The following VEGFC variants were observed in gnomAD, a reference collection of about 807,000 sequenced individuals.
The protein encoded by VEGFC is vascular endothelial growth factor C, also known as FLT4 ligand DHM.
Under a neutral mutation model 46.1 loss-of-function variants are expected in VEGFC, and 12 were observed. The observed-to-expected ratio is 0.26, with a 90% confidence interval of 0.17 to 0.42. The LOEUF is 0.42. Among genes scored for constraint, VEGFC ranks in the 10% least tolerant of loss-of-function variants. VEGFC has a pLI of 1.00. For missense variants in VEGFC, 488 were observed against 529.4 expected (o/e 0.92, Z 0.77); for synonymous variants, 232 against 195.5 (o/e 1.19, Z -1.56).
chr4:176,763,214 T>C (rs1432781605), intron 1 of VEGFC, among the ~76,000 whole-genome samples: 1 of 152,210 alleles, frequency 6.6e-6, no homozygotes, highest in Non-Finnish European at 1.5e-5. Flanking sequence ...AAATTCATCT[T>C]CAACTAATTC....
At position 176,763,643 on chromosome 4, in the gene VEGFC, C is replaced by A. The variant is rs540396282; in HGVS notation, c.147+28522G>T. 2.0e-5 allele frequency among the ~76,000 whole-genome samples: 3 copies of A among 152,120 alleles called. No individual in the cohort carries two copies. In the South Asian group the frequency reaches 6.2e-4, roughly 31 times the overall value. On this transcript the variant is annotated intron_variant, in intron 1 of 6. Transcript: ENST00000618562. ...CGTAATCAATATTTAATAGAAATAT[C>A]TTCAAATAATTTGGTTCATATTAAC... is the stretch of plus-strand genomic sequence containing the variant.
At chr4:176,783,701 G>A (rs187602858) in intron 1 of VEGFC, among the ~76,000 whole-genome samples, 149 of 152,172 alleles carry the variant, frequency 9.8e-4, no homozygotes, top group Middle Eastern at 3.4e-3. Context: ...AACAAACCCC[G>A]GCACCCAGGG....
chr4:176,756,173 A>G (rs1735429834), intron 1 of VEGFC, among the ~76,000 whole-genome samples: 1 of 152,026 alleles, frequency 6.6e-6, no homozygotes, highest in African/African-American at 2.4e-5. Flanking sequence ...AACAATATAA[A>G]TTTATAATAT....
In VEGFC at chr4:176,754,744, CA is replaced by C. The variant is rs537351343; in HGVS notation, c.148-24999del. 5.9e-5 allele frequency among the ~76,000 whole-genome samples: 9 copies of C among 152,102 alleles called. No individual in the cohort carries two copies. The South Asian group carries it at 1.9e-3, about 32-fold the overall frequency. On this transcript the variant is annotated intron_variant, in intron 1 of 6. Coordinates refer to ENST00000618562, the MANE Select transcript of VEGFC (RefSeq NM_005429.5). The stretch of plus-strand genomic sequence containing the variant: ...CAGGTTCCAGGGAGTAGGTTGTGGA[CA>C]TCTTTGGGGGCCATTATTCTGCTTA...
chr4:176,759,367 C>A (rs1735487934), intron 1 of VEGFC, among the ~76,000 whole-genome samples: 1 of 151,780 alleles, frequency 6.6e-6, no homozygotes. Context: ...AAGCCAGGCA[C>A]AAAAAGACAA....
chr4:176,711,818 C>T (rs1457605422), intron 3 of VEGFC, among the ~76,000 whole-genome samples, 168 bp from the exon 4 acceptor site: 1 of 152,144 alleles, frequency 6.6e-6, no homozygotes, highest in Non-Finnish European at 1.5e-5. Flanking sequence ...TGTCTTGCTC[C>T]TAACCAGTAT....
chr4:176,710,021 CTG>C (rs1484815385), intron 4 of VEGFC, among the ~76,000 whole-genome samples: 3 of 142,908 alleles, frequency 2.1e-5, no homozygotes, highest in African/African-American at 9.2e-5. Context: ...AATGACAACT[CTG>C]TGATTTCAAG....
chr4:176,722,865 C>T (rs1734812839), intron 3 of VEGFC, among the ~76,000 whole-genome samples: 1 of 152,126 alleles, frequency 6.6e-6, no homozygotes, highest in Non-Finnish European at 1.5e-5. Context: ...AATTTTTATG[C>T]TACTGAGCAT....
intron 1 of VEGFC, among the ~76,000 whole-genome samples, chr4:176,777,148 C>A (rs1735827352): frequency 6.9e-6 from 1 of 145,384 alleles, no homozygotes; most frequent in Non-Finnish European, 1.5e-5. Context: ...CCCATCTCTA[C>A]TAAAAAAAAA....
rs960517124 is a variant in VEGFC, at chr4:176,706,952, C to T, written c.704+4547G>A. Among the ~76,000 whole-genome samples, 5 of 152,114 alleles carry T rather than the reference C, an allele frequency of 3.3e-5. No homozygotes were observed. The East Asian group carries it at 5.8e-4, about 18-fold the overall frequency. The stretch of plus-strand genomic sequence containing the variant: ...GTTCTCTCACTCTAGAGTACATTTG[C>T]GTCTTTTAAGGGCCTCATGTAAATC... On this transcript the variant is annotated intron_variant, in intron 4 of 6. Coordinates refer to ENST00000618562, the MANE Select transcript of VEGFC (RefSeq NM_005429.5).
At chr4:176,703,640 A>G (rs1312169990) in intron 4 of VEGFC, among the ~76,000 whole-genome samples, 1 of 152,178 alleles carries the variant, frequency 6.6e-6, no homozygotes, top group Non-Finnish European at 1.5e-5. Flanking sequence ...TGTTTACAAC[A>G]CAAAGAAATG....
At chr4:176,701,751 A>G (rs928680964) in intron 4 of VEGFC, among the ~76,000 whole-genome samples, 19 of 152,158 alleles carry the variant, frequency 1.2e-4, no homozygotes, top group Non-Finnish European at 2.5e-4. Context: ...ATAACCGTAT[A>G]TGGACATAAA....
intron 6 of VEGFC, among the ~76,000 whole-genome samples, chr4:176,686,216 C>A (rs530965085): frequency 3.0e-4 from 46 of 152,234 alleles, no homozygotes; most frequent in African/African-American, 1.1e-3. Flanking sequence ...GGACAAAATT[C>A]TCTGTTGGAT....
chr4:176,704,163 G>A (rs1447572665), intron 4 of VEGFC, among the ~76,000 whole-genome samples: 2 of 151,976 alleles, frequency 1.3e-5, no homozygotes, highest in African/African-American at 2.4e-5. Flanking sequence ...TATTCCGATT[G>A]TTCTGATTGC....
chr4:176,721,752 G>A lies in VEGFC; in HGVS notation c.552+6026C>T, dbSNP rs535624841. ...TTGCTTATTTGGGCAAGGTGGTAGG[G>A]AATAGGTTCTAACTGTTAAGTGAGA... On this transcript the variant is annotated intron_variant, in intron 3 of 6. Coordinates refer to ENST00000618562, the MANE Select transcript of VEGFC (RefSeq NM_005429.5). 4.6e-5 allele frequency among the ~76,000 whole-genome samples: 7 copies of A among 152,302 alleles called. No homozygotes were observed. The South Asian group carries it at 1.2e-3, about 27-fold the overall frequency.
At chr4:176,694,226 A>G (rs916122029) in intron 4 of VEGFC, among the ~76,000 whole-genome samples, 2 of 150,796 alleles carry the variant, frequency 1.3e-5, no homozygotes, top group Non-Finnish European at 3.0e-5. Context: ...TGCTGTATTC[A>G]GGAAACCCAT....
intron 2 of VEGFC, among the ~76,000 whole-genome samples, chr4:176,728,839 C>T (rs1196737177): frequency 6.6e-6 from 1 of 152,092 alleles, no homozygotes; most frequent in African/African-American, 2.4e-5. Context: ...CAACTGAAGG[C>T]AAATATGTTT....
intron 4 of VEGFC, among the ~76,000 whole-genome samples, chr4:176,692,346 A>G (rs1734207106): frequency 7.5e-6 from 1 of 133,836 alleles, no homozygotes. Context: ...GTGAGCCGAG[A>G]TCCCGCCACT....
chr4:176,777,648 T>A (rs10023305), intron 1 of VEGFC, among the ~76,000 whole-genome samples: 1 of 151,738 alleles, frequency 6.6e-6, no homozygotes, highest in African/African-American at 2.4e-5. Context: ...TAGGCCAGGC[T>A]CCGTGGCTCA....
Sources: gnomAD v4.1 joint callset for allele counts (sites outside exome capture counted in the v4.1 genomes callset) on GRCh38, gnomAD v4.1.1 for gene constraint, MANE v1.5 for transcripts, NCBI Gene and HGNC (gene_info 2026-07-23, HGNC 2026-07-21) for gene names.